The following PPP2R3A variants were observed in gnomAD, a reference collection of about 807,000 sequenced individuals.
The protein encoded by PPP2R3A is serine/threonine-protein phosphatase 2A regulatory subunit B'' subunit alpha.
PPP2R3A carries 80 observed loss-of-function variants against 106.9 expected under a neutral mutation model. That is an observed-to-expected ratio of 0.75 (90% CI 0.62 to 0.90). The LOEUF is 0.90. Ranked by LOEUF, PPP2R3A falls within the 40% of genes least tolerant of loss-of-function variation. The pLI is 0.00. For missense variants in PPP2R3A, 1,386 were observed against 1,350.4 expected (o/e 1.03, Z -0.41); for synonymous variants, 483 against 468.3 (o/e 1.03, Z -0.41).
At chr3:136,072,610 C>T (rs541571544) in intron 6 of PPP2R3A, among the ~76,000 whole-genome samples, 15 of 152,202 alleles carry the variant, frequency 9.9e-5, no homozygotes, top group South Asian at 2.1e-4. Context: ...AAGAATTCTA[C>T]GCTAGCTCTG....
rs996175388 is a variant in PPP2R3A, at chr3:136,140,748, C to CAA, written c.3330-4281_3330-4280dup. Among the ~76,000 whole-genome samples, 18 of 81,606 alleles carry CAA rather than the reference C, an allele frequency of 2.2e-4. 1 individual carries two copies. The highest frequency in any genetic ancestry group is 7.2e-4 in the East Asian group (2 of 2,776). 53.5% of individuals were successfully genotyped at this position (81,606 alleles called of 152,430 possible). ...GGGCAACAAGAACAAAACTCAGTCT[C>CAA]AAAAAAAAAAAAAAAGCCGGTTGTG... On this transcript the variant is annotated intron_variant, in intron 13 of 13. Transcript: ENST00000264977.
chr3:136,129,715 AAAT>A (rs1490860027), intron 13 of PPP2R3A, among the ~76,000 whole-genome samples: 2 of 152,196 alleles, frequency 1.3e-5, no homozygotes, highest in African/African-American at 2.4e-5. Context: ...ACACAACAAA[AAAT>A]GAGAATTTCC....
intron 13 of PPP2R3A, among the ~76,000 whole-genome samples, chr3:136,140,993 C>T (rs1052130022): frequency 1.4e-4 from 21 of 152,238 alleles, no homozygotes; most frequent in African/African-American, 5.1e-4. Context: ...CAACTCTACA[C>T]ATTGTTTCAC....
At chr3:136,042,400 C>T (rs964165778) in intron 4 of PPP2R3A, among the ~76,000 whole-genome samples, 1 of 152,022 alleles carries the variant, frequency 6.6e-6, no homozygotes, top group Non-Finnish European at 1.5e-5. Context: ...GGGCTTAATA[C>T]CTAGGTGATG....
intron 1 of PPP2R3A, among the ~76,000 whole-genome samples, chr3:135,995,402 C>G (rs952378254): frequency 6.8e-6 from 1 of 146,630 alleles, no homozygotes; most frequent in Non-Finnish European, 1.5e-5. Flanking sequence ...TCCTCTAGAA[C>G]TTTTTTTACT....
At chr3:136,076,209 A>G (rs984549408) in intron 6 of PPP2R3A, among the ~76,000 whole-genome samples, 1 of 152,258 alleles carries the variant, frequency 6.6e-6, no homozygotes, top group Admixed American at 6.5e-5. Flanking sequence ...GCATTTCAGT[A>G]TAAATGCATT....
At chr3:136,030,371 C>T (rs1934828310) in intron 3 of PPP2R3A, among the ~76,000 whole-genome samples, 2 of 151,718 alleles carry the variant, frequency 1.3e-5, no homozygotes, top group Non-Finnish European at 2.9e-5. Context: ...TTGATTTAAT[C>T]ATGTCTTCCA....
At chr3:136,058,381 C>T (rs950744701) in intron 5 of PPP2R3A, among the ~76,000 whole-genome samples, 7 of 151,840 alleles carry the variant, frequency 4.6e-5, no homozygotes, top group Admixed American at 1.3e-4. Flanking sequence ...AAAAACAAGC[C>T]GAGAGCCAAA....
At chr3:136,056,650 C>G (rs1330817175) in intron 5 of PPP2R3A, among the ~76,000 whole-genome samples, 2 of 151,888 alleles carry the variant, frequency 1.3e-5, no homozygotes, top group Non-Finnish European at 2.9e-5. Context: ...AGGGGTAAGG[C>G]TGCGTGACAC....
At chr3:136,010,505 C>A (rs1934026838) in intron 2 of PPP2R3A, among the ~76,000 whole-genome samples, 1 of 142,522 alleles carries the variant, frequency 7.0e-6, no homozygotes, top group Non-Finnish European at 1.5e-5. Flanking sequence ...CGGCTCACTG[C>A]AAGCTCCGCC....
At chr3:136,119,221 CAA>C (rs1445010317) in intron 13 of PPP2R3A, among the ~76,000 whole-genome samples, 1 of 152,174 alleles carries the variant, frequency 6.6e-6, no homozygotes, top group Admixed American at 6.5e-5. Flanking sequence ...AAAATTAACT[CAA>C]GACAGATTAA....
At chr3:136,104,495 A>G (rs1278494) in intron 12 of PPP2R3A, among the ~76,000 whole-genome samples, 152,194 of 152,230 alleles carry the variant, frequency 1, 76,079 homozygotes, top group Middle Eastern at 1. Flanking sequence ...TTGTACAGAC[A>G]AGGTTTCTCC....
At chr3:136,090,819 T>C in intron 10 of PPP2R3A, 152 bp downstream of exon 10, 1 of 601,070 alleles carries the variant, frequency 1.7e-6, no homozygotes, top group Admixed American at 2.7e-5. Flanking sequence ...GCTCTCCGTC[T>C]CAGGAGATTG....
At chr3:136,099,765 A>G (rs1339258558) in intron 10 of PPP2R3A, among the ~76,000 whole-genome samples, 1 of 152,142 alleles carries the variant, frequency 6.6e-6, no homozygotes, top group Non-Finnish European at 1.5e-5. Context: ...AAAATTTAAA[A>G]ATAGGTAAAA....
At chr3:136,049,741 T>A (rs949079101) in intron 5 of PPP2R3A, among the ~76,000 whole-genome samples, 18 of 152,154 alleles carry the variant, frequency 1.2e-4, no homozygotes, top group Admixed American at 5.9e-4. Context: ...GCTAAGAACC[T>A]GGTAGAAAGA....
chr3:136,082,322 T>TA lies in PPP2R3A; in HGVS notation c.2690dup (p.Tyr897Ter). 1 of 1,605,014 alleles carries TA rather than the reference T, an allele frequency of 6.2e-7. No individual in the cohort carries two copies. The highest frequency in any genetic ancestry group is 8.5e-7 in the Non-Finnish European group (1 of 1,171,694). ...AAACCAAATTACAGATTACTTCTCC[T>TA]ATGAACATTTCTATGTTATTTATTG... ...DINQITDYFS[Y>*]EHFYVIYCKF... The change falls in exon 8 of 14, where the codon TAT becomes TAAT. Residue 897 changes from tyrosine (Y) to a stop codon, truncating the protein, a stop_gained and frameshift_variant. Transcript: ENST00000264977. LOFTEE classifies it high-confidence loss of function.
chr3:136,046,681 T>A (rs1935481992), intron 4 of PPP2R3A, among the ~76,000 whole-genome samples: 1 of 152,206 alleles, frequency 6.6e-6, no homozygotes, highest in Non-Finnish European at 1.5e-5. Context: ...ACAAGAACTC[T>A]GACAATTCTA....
chr3:136,030,159 A>G (rs2107828090), intron 3 of PPP2R3A, among the ~76,000 whole-genome samples: 1 of 152,190 alleles, frequency 6.6e-6, no homozygotes, highest in East Asian at 1.9e-4. Context: ...TTGAGGCTAC[A>G]GTGAGCCATG....
chr3:136,115,989 C>T (rs1461077136), intron 13 of PPP2R3A, among the ~76,000 whole-genome samples: 1 of 151,806 alleles, frequency 6.6e-6, no homozygotes, highest in Non-Finnish European at 1.5e-5. Flanking sequence ...TTAAGGGCAG[C>T]CAGAGAGAAA....
Sources: allele counts gnomAD v4.1 joint callset (sites outside exome capture counted in the v4.1 genomes callset), GRCh38; gene constraint gnomAD v4.1.1; transcripts MANE v1.5; gene names NCBI Gene and HGNC (gene_info 2026-07-23, HGNC 2026-07-21).